Variants in ARID1A observed in about 807,000 individuals in gnomAD.
The protein encoded by ARID1A is AT-rich interactive domain-containing protein 1A.
A neutral mutation model predicts 212.6 loss-of-function variants in ARID1A; 20 were observed. The observed-to-expected ratio is 0.09, with a 90% CI of 0.07 to 0.14. ARID1A has a LOEUF of 0.14. Among genes scored for constraint, ARID1A ranks in the 10% least tolerant of loss-of-function variants. ARID1A has a pLI of 1.00. For synonymous variants in ARID1A, 1,376 were observed against 1,222.1 expected, an observed-to-expected ratio of 1.13 and a Z score of -2.63; for missense variants, 2,587 against 3,059.0, an observed-to-expected ratio of 0.85 and a Z score of 3.64.
intron 4 of ARID1A, among the ~76,000 whole-genome samples, chr1:26,749,594 C>T (rs2080867277): frequency 6.6e-6 from 1 of 152,172 alleles, no homozygotes; most frequent in Non-Finnish European, 1.5e-5. Context: ...TCAGCAGTGC[C>T]CTCAGCCTCC....
At chr1:26,706,041 A>G (rs1163099871) in intron 1 of ARID1A, among the ~76,000 whole-genome samples, 1 of 152,172 alleles carries the variant, frequency 6.6e-6, no homozygotes, top group Non-Finnish European at 1.5e-5. Context: ...ACCCTCCAGG[A>G]AGTTATGTTG....
At chr1:26,701,126 A>T (rs2080327951) in intron 1 of ARID1A, among the ~76,000 whole-genome samples, 1 of 152,192 alleles carries the variant, frequency 6.6e-6, no homozygotes, top group South Asian at 2.1e-4. Context: ...TTTTGCAAAG[A>T]GGTTAGTGAA....
chr1:26,746,904 G>A (rs2080840121), intron 4 of ARID1A, among the ~76,000 whole-genome samples: 1 of 152,102 alleles, frequency 6.6e-6, no homozygotes, highest in South Asian at 2.1e-4. Context: ...GTGGTGGCAG[G>A]CACCTGTAAT....
chr1:26,697,417 GGCTGCGGCGGCGGCA>G lies in ARID1A; in HGVS notation c.1029_1043del (p.Ala345_Ala349del), dbSNP rs751352361. On this transcript the variant is annotated inframe_deletion, in exon 1 of 20. Transcript: ENST00000324856. ...CGGACATGGCCTCGCAGTGTTGGGG[GGCTGCGGCGGCGGCA>G]GCTGCGGCGGCGGCCGCCTCGGGAG... 6.3e-4 allele frequency: 846 copies of G among 1,350,944 alleles called. 4 individuals carry two copies. Among genetic ancestry groups the G allele is most frequent in the South Asian group, 1.8e-3 (95 of 51,732 alleles). The allele number at this position is 1,350,944 out of a possible 1,614,324, so 83.7% of individuals were successfully genotyped here. A position where few individuals can be genotyped will look rare whatever the true frequency, so the allele number is the denominator to read the frequency against.
At chr1:26,732,834 A>G (rs1250448590) in intron 4 of ARID1A, 42 bp downstream of exon 4, 2 of 1,522,256 alleles carry the variant, frequency 1.3e-6, no homozygotes, top group African/African-American at 1.4e-5. Context: ...AGGGGCAGAG[A>G]GGAAACCAAT....
rs192670937 is a variant in ARID1A, at chr1:26,747,216, A to G, written c.1921-13640A>G. 4.5e-3 allele frequency among the ~76,000 whole-genome samples: 684 copies of G among 152,000 alleles called. 4 individuals are homozygous for G. The highest frequency in any genetic ancestry group is 0.014 in the Admixed American group (213 of 15,290). On this transcript the variant is annotated intron_variant, in intron 4 of 19. Transcript: ENST00000324856. ...CAGTGCTTGGTCTCCTAATCCCCCT[A>G]CTCGATGGCCTGAAAGTGTTTCATC...
At position 26,772,657 on chromosome 1, in the gene ARID1A, G is replaced by T. The variant is rs1260268222; in HGVS notation, c.3539+25G>T. 5.6e-6 allele frequency: 9 copies of T among 1,614,082 alleles called. No individual in the cohort carries two copies. In the Admixed American group the frequency reaches 1.2e-4, roughly 21 times the overall value. ...GGTAAGGCCAAGAGCAGGGGCAGATGGTTGGGAGGATGGCTGAAGATAAGT... is the reference window on the plus strand; with the variant it reads ...GGTAAGGCCAAGAGCAGGGGCAGATTGTTGGGAGGATGGCTGAAGATAAGT... On this transcript the variant is annotated intron_variant, in intron 13 of 19. Coordinates refer to ENST00000324856, the MANE Select transcript of ARID1A (RefSeq NM_006015.6).
chr1:26,741,192 A>G (rs765844955), intron 4 of ARID1A, among the ~76,000 whole-genome samples: 75 of 152,250 alleles, frequency 4.9e-4, no homozygotes, highest in Non-Finnish European at 1.2e-4. Context: ...AGGTAGAAGC[A>G]GCCAACAGAG....
At chr1:26,702,047 T>G (rs528745679) in intron 1 of ARID1A, among the ~76,000 whole-genome samples, 1 of 152,248 alleles carries the variant, frequency 6.6e-6, no homozygotes, top group African/African-American at 2.4e-5. Context: ...CTGCTGCTTT[T>G]GGGGAGGGGT....
rs748114497 is a variant in ARID1A at position 26,696,860 on chromosome 1, C to T, written c.457C>T (p.Pro153Ser). 2 of 1,353,582 alleles carry T rather than the reference C, an allele frequency of 1.5e-6. No homozygotes were observed. The highest frequency in any genetic ancestry group is 1.5e-5 in the African/African-American group (1 of 65,018). The allele number at this position is 1,353,582 out of a possible 1,614,324, so 83.8% of individuals were successfully genotyped here. The change falls in exon 1 of 20, where the codon CCC becomes TCC. Residue 153 changes from proline to serine, a missense_variant. By Grantham distance (74) the Pro-to-Ser change is moderately conservative (BLOSUM62 -1). Coordinates refer to ENST00000324856, the MANE Select transcript of ARID1A (RefSeq NM_006015.6). ...LPPPAYGFGQ[P>S]YGRSPSAVAA... ...GCCCCCAGCCTACGGCTTCGGGCAACCCTACGGCCGGAGCCCGTCTGCCGT... is the reference window on the plus strand; with the variant it reads ...GCCCCCAGCCTACGGCTTCGGGCAATCCTACGGCCGGAGCCCGTCTGCCGT...
chr1:26,780,948 G>T lies in ARID1A; in HGVS notation c.*192G>T, dbSNP rs751706703. The T allele has an allele frequency of 4.0e-6, 3 of 751,792 alleles. No individual in the cohort carries two copies. In the Admixed American group the frequency reaches 9.5e-5, roughly 24 times the overall value. 46.6% of individuals were successfully genotyped at this position (751,792 alleles called of 1,614,324 possible). ...ACCTCCCCTCCCTCCATCACCTCAC[G>T]CCTTTCTGTTCCTTGTCCTCACCTT... On this transcript the variant is annotated 3_prime_UTR_variant, in exon 20 of 20. Transcript: ENST00000324856. The surrounding 1 kb of genome is among the most constrained non-coding windows in gnomAD (Gnocchi z 7.2).
chr1:26,712,498 A>C (rs1293449275), intron 1 of ARID1A, among the ~76,000 whole-genome samples: 1 of 152,110 alleles, frequency 6.6e-6, no homozygotes, highest in African/African-American at 2.4e-5. Flanking sequence ...CAGCCTTGGC[A>C]ACATAGCAAG....
At chr1:26,712,751 C>T (rs1213163980) in intron 1 of ARID1A, among the ~76,000 whole-genome samples, 1 of 152,180 alleles carries the variant, frequency 6.6e-6, no homozygotes, top group Non-Finnish European at 1.5e-5. Flanking sequence ...CTCATCTCTG[C>T]AGTGAATGAG....
intron 1 of ARID1A, among the ~76,000 whole-genome samples, chr1:26,719,941 CAAAAAAA>C (rs1213565550): frequency 4.0e-5 from 2 of 49,704 alleles, no homozygotes; most frequent in Admixed American, 5.2e-4. Flanking sequence ...AAGTCCGTCT[CAAAAAAA>C]AAAAAAAAAA....
intron 4 of ARID1A, among the ~76,000 whole-genome samples, chr1:26,745,199 AC>A (rs2080825187): frequency 6.6e-6 from 1 of 152,180 alleles, no homozygotes; most frequent in African/African-American, 2.4e-5. Flanking sequence ...GATTTGACCT[AC>A]CAGGGGAACG....
At chr1:26,733,054 G>A (rs1172548353) in intron 4 of ARID1A, among the ~76,000 whole-genome samples, 2 of 152,170 alleles carry the variant, frequency 1.3e-5, no homozygotes, top group African/African-American at 4.8e-5. Flanking sequence ...CAGAGAAGAT[G>A]GAGATATCAG....
At chr1:26,698,645 C>T (rs745655671) in intron 1 of ARID1A, among the ~76,000 whole-genome samples, 1 of 152,150 alleles carries the variant, frequency 6.6e-6, no homozygotes, top group Non-Finnish European at 1.5e-5. Flanking sequence ...TGAGTTTTTT[C>T]TCTACAATGG....
chr1:26,774,629 C>T lies in ARID1A; in HGVS notation c.4402C>T (p.Pro1468Ser), dbSNP rs376018873. The T allele has an allele frequency of 6.2e-7, 1 of 1,614,242 alleles. No individual in the cohort carries two copies. Among genetic ancestry groups the T allele is most frequent in the East Asian group, 2.2e-5 (1 of 44,890 alleles). ...QFGRDRVSAP[P>S]GTNAQQNMPP... ...TGGCCGAGACCGTGTCTCTGCACCC[C>T]CTGGCACCAATGCCCAGCAAAACAT... is the stretch of plus-strand genomic sequence containing the variant. Residue 1468 changes from proline (P) to serine (S), a missense_variant, in exon 18 of 20, where the codon CCT becomes TCT. Transcript: ENST00000324856. This position sits in a 1 kb window ranked among gnomAD's most constrained non-coding sequence, Gnocchi z 5.6.
rs2081084933 is a variant in ARID1A at position 26,771,822 on chromosome 1, T to C, written c.3406+496T>C. ...TCCTTTCTGAGAGGAGGCTGAGGCC[T>C]AGGGTGAGCCTAGAGAGGGAAGAAG... On this transcript the variant is annotated intron_variant, in intron 12 of 19. Coordinates refer to ENST00000324856, the MANE Select transcript of ARID1A (RefSeq NM_006015.6). This position sits in a 1 kb window ranked among gnomAD's most constrained non-coding sequence, Gnocchi z 5.4. 5.7e-6 allele frequency: 1 copy of C among 176,266 alleles called. No individual in the cohort carries two copies. Among genetic ancestry groups the C allele is most frequent in the African/African-American group, 2.4e-5 (1 of 41,798 alleles). 10.9% of individuals were successfully genotyped at this position (176,266 alleles called of 1,614,324 possible).
Sources: gnomAD v4.1 joint callset for allele counts (sites outside exome capture counted in the v4.1 genomes callset) on GRCh38, gnomAD v4.1.1 for gene constraint, Gnocchi (gnomAD v3.1) non-coding constraint, MANE v1.5 for transcripts, NCBI Gene and HGNC (gene_info 2026-07-23, HGNC 2026-07-21) for gene names.